Variants in MIA3 observed in about 807,000 individuals in gnomAD.
MIA3 encodes MIA SH3 domain ER export factor 3.
A neutral mutation model predicts 192.4 loss-of-function variants in MIA3; 90 were observed. The ratio of observed to expected loss-of-function variants is 0.47; its 90% confidence interval spans 0.39 to 0.56. The LOEUF is 0.56. MIA3 is among the 20% of genes least tolerant of loss of function. The pLI, the probability that MIA3 is intolerant of heterozygous loss-of-function variation, is 0.00. For missense variants in MIA3, 2,123 were observed against 2,269.4 expected (o/e 0.94, Z 1.31); for synonymous variants, 740 against 792.8 (o/e 0.93, Z 1.12).
chr1:222,636,506 C>CTTTTTTTTTTTTTTTTT (rs34208115), intron 6 of MIA3, among the ~76,000 whole-genome samples: 1 of 74,038 alleles, frequency 1.4e-5, no homozygotes. Flanking sequence ...TAGTGTCCAT[C>CTTTTTTTTTTTTTTTTT]TTTTTTTTTT....
In MIA3 at chr1:222,621,174, G is replaced by C; in HGVS notation, c.149G>C (p.Gly50Ala). The C allele has an allele frequency of 6.2e-7, 1 of 1,612,732 alleles. No individual in the cohort carries two copies. The highest frequency in any genetic ancestry group is 8.5e-7 in the Non-Finnish European group (1 of 1,179,560). The change falls in exon 2 of 28, where the codon GGT becomes GCT. Residue 50 changes from glycine (G) to alanine (A), a missense_variant. Coordinates refer to ENST00000344922, the MANE Select transcript of MIA3 (RefSeq NM_198551.4). The stretch of plus-strand genomic sequence containing the variant: ...TTATATACAGTGTTAATGTACCGCG[G>C]TGAGGCTCTTGAAGATTTCACAGGC... ...DDECSMLMYR[G>A]EALEDFTGPD...
rs369678137 is a variant in MIA3, at chr1:222,630,242, G to A, written c.3022G>A (p.Glu1008Lys). The change falls in exon 4 of 28, where the codon GAA (glutamate) becomes AAA (lysine). Residue 1008 changes from glutamate to lysine, a missense_variant. Physicochemically the swap from Glu to Lys is moderately conservative, Grantham distance 56. Coordinates refer to ENST00000344922, the MANE Select transcript of MIA3 (RefSeq NM_198551.4). ...VAENRDLGMN[E>K]NNIFEEAAVL... ...TGAAAATAGAGATCTGGGAATGAAC[G>A]AAAATAACATATTTGAAGAGGCTGC... is the stretch of plus-strand genomic sequence containing the variant. The A allele has an allele frequency of 2.9e-5, 46 of 1,613,992 alleles. No individual in the cohort carries two copies. In the Middle Eastern group the frequency reaches 9.9e-4, roughly 35 times the overall value.
At position 222,630,303 on chromosome 1, in the gene MIA3, T is replaced by C. The variant is rs903941723; in HGVS notation, c.3083T>C (p.Val1028Ala). The stretch of plus-strand genomic sequence containing the variant: ...GACATTCAAGACCTCATCTATTTTG[T>C]CAGGTACAAGCACTCCACAGCAGAG... Reference protein sequence around the residue: ...LDDIQDLIYFVRYKHSTAEET... With the variant: ...LDDIQDLIYFARYKHSTAEET... The change falls in exon 4 of 28, where the codon GTC (valine) becomes GCC (alanine). Residue 1028 changes from valine (V) to alanine (A), a missense_variant. Coordinates refer to ENST00000344922, the MANE Select transcript of MIA3 (RefSeq NM_198551.4). 4.2e-5 allele frequency: 67 copies of C among 1,614,094 alleles called. No homozygotes were observed. The highest frequency in any genetic ancestry group is 5.5e-5 in the Non-Finnish European group (65 of 1,180,038).
At chr1:222,624,516 A>G (rs930767188) in intron 2 of MIA3, among the ~76,000 whole-genome samples, 4 of 152,166 alleles carry the variant, frequency 2.6e-5, no homozygotes, top group Admixed American at 6.5e-5. Context: ...GTAAAAAGTG[A>G]TCTCTTGTGG....
chr1:222,652,079 T>C, intron 12 of MIA3, 31 bp downstream of exon 12: 1 of 1,366,868 alleles, frequency 7.3e-7, no homozygotes, highest in East Asian at 2.3e-5. Flanking sequence ...TGCAGGATAT[T>C]AATACTATAT....
intron 1 of MIA3, among the ~76,000 whole-genome samples, chr1:222,618,907 AGGTCTC>A (rs1217190219): frequency 6.6e-6 from 1 of 152,134 alleles, no homozygotes; most frequent in Non-Finnish European, 1.5e-5. Flanking sequence ...TTGTATTCCG[AGGTCTC>A]TGCCCCGACT....
rs1185810807 is a variant in MIA3 at position 222,629,726 on chromosome 1, A to G, written c.2506A>G (p.Ile836Val). ...ERSDFSDSIK[I>V]QTPELGEVFQ... is the part of the protein sequence containing the mutation. ...AAGTGACTTTTCTGACAGCATAAAA[A>G]TTCAGACTCCAGAATTAGGTGAAGT... Residue 836 changes from isoleucine (I) to valine (V), a missense_variant, in exon 4 of 28, where the codon ATT becomes GTT. Around this residue, in one of 3 missense-constraint regions of MIA3, gnomAD observed 1,357 missense variants for 1,396.1 expected, o/e 0.97. Transcript: ENST00000344922. 6.2e-7 allele frequency: 1 copy of G among 1,614,094 alleles called. No homozygotes were observed. Among genetic ancestry groups the G allele is most frequent in the African/African-American group, 1.3e-5 (1 of 74,944 alleles).
chr1:222,660,502 A>G, intron 24 of MIA3, 188 bp downstream of exon 24: 1 of 473,978 alleles, frequency 2.1e-6, no homozygotes. Context: ...GAAGGCATTT[A>G]TTATTTTCCT....
chr1:222,637,745 C>T lies in MIA3; in HGVS notation c.3477+4496C>T, dbSNP rs1407182755. 2.0e-5 allele frequency among the ~76,000 whole-genome samples: 3 copies of T among 146,456 alleles called. No individual in the cohort carries two copies. The East Asian group carries it at 6.0e-4, about 29-fold the overall frequency. On this transcript the variant is annotated intron_variant, in intron 6 of 27. Coordinates refer to ENST00000344922, the MANE Select transcript of MIA3 (RefSeq NM_198551.4). Reference sequence around the variant, plus strand: ...TCACCCTGTTTCCCAGGCTGGAGTGCAGTGGTGTGATCATGGCTCACTGCA... The same window carrying T: ...TCACCCTGTTTCCCAGGCTGGAGTGTAGTGGTGTGATCATGGCTCACTGCA...
At chr1:222,622,030 T>C (rs771162670) in intron 2 of MIA3, among the ~76,000 whole-genome samples, 5 of 152,158 alleles carry the variant, frequency 3.3e-5, no homozygotes, top group Non-Finnish European at 7.3e-5. Flanking sequence ...GGTCTCGATC[T>C]CCTGACCTTG....
At chr1:222,632,997 T>C (rs1662469657) in intron 5 of MIA3, 107 bp from the exon 6 acceptor site, 1 of 1,167,802 alleles carries the variant, frequency 8.6e-7, no homozygotes, top group Admixed American at 2.3e-5. Context: ...TGAGAACGTT[T>C]ACTTTCCAGG....
At chr1:222,640,656 C>G (rs757933649) in intron 6 of MIA3, among the ~76,000 whole-genome samples, 54 of 152,084 alleles carry the variant, frequency 3.6e-4, no homozygotes, top group Non-Finnish European at 6.0e-4. Context: ...CATAAAACTT[C>G]TAGGAAAAAT....
intron 3 of MIA3, among the ~76,000 whole-genome samples, 196 bp from the exon 4 acceptor site, chr1:222,627,379 G>A (rs897739531): frequency 6.6e-6 from 1 of 152,186 alleles, no homozygotes; most frequent in East Asian, 1.9e-4. Flanking sequence ...GAAGCCAGGA[G>A]TATTACTCAG....
intron 6 of MIA3, among the ~76,000 whole-genome samples, chr1:222,636,748 G>A (rs978986095): frequency 3.3e-5 from 5 of 151,986 alleles, no homozygotes; most frequent in African/African-American, 7.3e-5. Flanking sequence ...TCCTGACCTC[G>A]TGATCCACCG....
At chr1:222,619,148 T>C (rs1661744822) in intron 1 of MIA3, among the ~76,000 whole-genome samples, 1 of 152,088 alleles carries the variant, frequency 6.6e-6, no homozygotes, top group African/African-American at 2.4e-5. Context: ...ATGAAGAAGG[T>C]TATTACAGGA....
rs1356932046 is a variant in MIA3, at chr1:222,653,285, G to A, written c.4267G>A (p.Gly1423Ser). ...GTTAGAGTGTGAATCTGAATCTGAG[G>A]GTCAAAATAAAGGTGGAAATGATTC... ...NLLECESESE[G>S]QNKGGNDSDE... Residue 1423 changes from glycine (G) to serine (S), a missense_variant, in exon 15 of 28, where the codon GGT (glycine) becomes AGT (serine). By Grantham distance (56) the Gly-to-Ser change is moderately conservative. This residue lies in a region of MIA3 where 762 missense variants were observed against 856.4 expected (regional missense o/e 0.89). Coordinates refer to ENST00000344922, the MANE Select transcript of MIA3 (RefSeq NM_198551.4). 6.2e-7 allele frequency: 1 copy of A among 1,613,808 alleles called. No individual in the cohort carries two copies. Among genetic ancestry groups the A allele is most frequent in the Non-Finnish European group, 8.5e-7 (1 of 1,179,872 alleles).
intron 8 of MIA3, chr1:222,649,238 C>A (rs1339460946): frequency 6.3e-6 from 1 of 157,506 alleles, no homozygotes. Context: ...TTTTCTGTTT[C>A]TCTTTGCAAA....
intron 18 of MIA3, 117 bp downstream of exon 18, chr1:222,654,910 T>C (rs1663637217): frequency 2.2e-6 from 2 of 916,838 alleles, no homozygotes; most frequent in Non-Finnish European, 3.2e-6. Context: ...GTAATTAGTA[T>C]AAATTTGTCT....
chr1:222,652,535 A>G (rs535894541), intron 13 of MIA3, among the ~76,000 whole-genome samples: 1 of 152,328 alleles, frequency 6.6e-6, no homozygotes, highest in East Asian at 1.9e-4. Context: ...TGTACAATTT[A>G]TTTTGGCTAT....
Sources: allele counts gnomAD v4.1 joint callset (sites outside exome capture counted in the v4.1 genomes callset), GRCh38; gene constraint gnomAD v4.1.1; regional missense constraint gnomAD v4.1.1; transcripts MANE v1.5; gene names NCBI Gene and HGNC (gene_info 2026-07-23, HGNC 2026-07-21).